CYFIP1: variants seen among roughly 807,000 people sequenced by gnomAD.
CYFIP1 encodes cytoplasmic FMR1-interacting protein 1.
A neutral mutation model predicts 163.5 loss-of-function variants in CYFIP1; 58 were observed. The ratio of observed to expected loss-of-function variants is 0.35; its 90% confidence interval spans 0.29 to 0.44. The LOEUF (loss-of-function observed/expected upper bound fraction) is 0.44. Among genes scored for constraint, CYFIP1 ranks in the 20% least tolerant of loss-of-function variants. CYFIP1 has a pLI of 1.00. For missense variants in CYFIP1, 1,338 were observed against 1,653.8 expected (o/e 0.81, Z 3.31); for synonymous variants, 663 against 660.7 (o/e 1.00, Z -0.05).
chr15:22,920,707 AAG>A (rs1158214001), intron 13 of CYFIP1, among the ~76,000 whole-genome samples: 15 of 152,224 alleles, frequency 9.9e-5, no homozygotes, highest in Non-Finnish European at 1.6e-4. Flanking sequence ...AAAAGTCTGG[AAG>A]AAAACGCACC....
intron 11 of CYFIP1, among the ~76,000 whole-genome samples, chr15:22,930,923 T>C (rs1338393198): frequency 1.3e-5 from 2 of 152,208 alleles, no homozygotes; most frequent in African/African-American, 2.4e-5. Context: ...TGCACAGTAC[T>C]GTCCTAGGCC....
intron 1 of CYFIP1, chr15:22,951,602 G>A (rs2062251898): frequency 7.9e-7 from 1 of 1,261,574 alleles, no homozygotes; most frequent in Admixed American, 2.3e-5. Context: ...AGTGCCAGGA[G>A]AGGCCTGGGG....
chr15:22,918,591 T>C (rs2061074385), intron 14 of CYFIP1, 101 bp downstream of exon 14: 1 of 1,106,158 alleles, frequency 9.0e-7, no homozygotes, highest in African/African-American at 1.6e-5. Flanking sequence ...AAGATAAATA[T>C]ATTGAAATCA....
chr15:22,931,685 T>TAAAAAAAAAAAAAAAA (rs2061538850), intron 11 of CYFIP1, among the ~76,000 whole-genome samples: 1 of 30,704 alleles, frequency 3.3e-5, no homozygotes, highest in African/African-American at 2.3e-4. Context: ...AATGTTTTTC[T>TAAAAAAAAAAAAAAAA]GAAAAAAAAA....
chr15:22,943,275 G>C lies in CYFIP1; in HGVS notation c.467C>G (p.Ala156Gly). Reference sequence around the variant, plus strand: ...GAATTTGCCCAGTGTGATCAGGTAGGCTTCTGACACGAAGTCCTTCCTCCT... The same window carrying C: ...GAATTTGCCCAGTGTGATCAGGTAGCCTTCTGACACGAAGTCCTTCCTCCT... ...AERRKDFVSE[A>G]YLITLGKFIN... is the part of the protein sequence containing the mutation. Residue 156 changes from alanine to glycine, a missense_variant, in exon 6 of 31, where the codon GCC (alanine) becomes GGC (glycine). Around this residue, in one of 4 missense-constraint regions of CYFIP1, gnomAD observed 186 missense variants for 288.3 expected, o/e 0.65. Transcript: ENST00000617928. 6.2e-7 allele frequency: 1 copy of C among 1,614,186 alleles called. No homozygotes were observed. The highest frequency in any genetic ancestry group is 8.5e-7 in the Non-Finnish European group (1 of 1,180,018).
chr15:22,882,616 G>A (rs1334535892), intron 24 of CYFIP1, among the ~76,000 whole-genome samples: 1 of 152,132 alleles, frequency 6.6e-6, no homozygotes, highest in African/African-American at 2.4e-5. Flanking sequence ...GACAGCCTGA[G>A]CAACATAGCA....
At chr15:22,870,673 C>G (rs1218245636) in intron 30 of CYFIP1, among the ~76,000 whole-genome samples, 1 of 152,106 alleles carries the variant, frequency 6.6e-6, no homozygotes, top group East Asian at 1.9e-4. Flanking sequence ...TTTAGAATCC[C>G]TCTGTTGGCT....
intron 14 of CYFIP1, 114 bp from the exon 15 acceptor site, chr15:22,918,049 C>CA: frequency 1.6e-6 from 2 of 1,267,832 alleles, no homozygotes; most frequent in East Asian, 4.9e-5. Context: ...CATGAAAATA[C>CA]AAATTACTCT....
At chr15:22,928,843 T>C (rs1016115771) in intron 11 of CYFIP1, among the ~76,000 whole-genome samples, 3 of 151,880 alleles carry the variant, frequency 2.0e-5, no homozygotes, top group African/African-American at 4.8e-5. Flanking sequence ...AATGAAACAA[T>C]GGCGGGAACC....
At chr15:22,921,055 C>T (rs960755297) in intron 13 of CYFIP1, among the ~76,000 whole-genome samples, 1 of 151,972 alleles carries the variant, frequency 6.6e-6, no homozygotes, top group Non-Finnish European at 1.5e-5. Context: ...GCAAAATAAA[C>T]CCCCCCAAAA....
chr15:22,890,385 G>A, intron 23 of CYFIP1, among the ~76,000 whole-genome samples: 1 of 152,210 alleles, frequency 6.6e-6, no homozygotes, highest in Admixed American at 6.5e-5. Flanking sequence ...GGAGCAGAAT[G>A]GAGGTGAATT....
rs919893437 is a variant in CYFIP1 at position 22,937,596 on chromosome 15, C to CTTTTTTTTTTTTTT, written c.796-389_796-388insAAAAAAAAAAAAAA. 4.9e-5 allele frequency among the ~76,000 whole-genome samples: 7 copies of CTTTTTTTTTTTTTT among 143,744 alleles called. 1 individual carries two copies. Among genetic ancestry groups the CTTTTTTTTTTTTTT allele is most frequent in the Non-Finnish European group, 3.1e-5 (2 of 65,354 alleles). 94.3% of individuals were successfully genotyped at this position (143,744 alleles called of 152,430 possible). On this transcript the variant is annotated intron_variant, in intron 8 of 30. Coordinates refer to ENST00000617928, the MANE Select transcript of CYFIP1 (RefSeq NM_014608.6). ...TTTCGGTGTATGCAAACTAAAAATT[C>CTTTTTTTTTTTTTT]TTTTTTTGTTTTTTTTTTTTGAGAT...
chr15:22,976,070 A>C (rs1005381111), intron 1 of CYFIP1, among the ~76,000 whole-genome samples: 1 of 152,182 alleles, frequency 6.6e-6, no homozygotes, highest in African/African-American at 2.4e-5. Flanking sequence ...TCTCATCTTC[A>C]GCATACAGAT....
Position 22,909,308 on chromosome 15 carries a change from G to A in CYFIP1, c.2274C>T (p.Leu758=), listed in dbSNP as rs145855197. ...TLLKQRHVQL[L]GRSIDLNRLI... The stretch of plus-strand genomic sequence containing the variant: ...GACGATTGAGGTCTATTGATCTGCC[G>A]AGGAGCTGGCGTACACAGGGAAGGA... The change falls in exon 21 of 31, where the codon CTC becomes CTT. Residue 758 remains leucine (L), a synonymous_variant. Transcript: ENST00000617928. The A allele has an allele frequency of 2.4e-4, 384 of 1,614,064 alleles. 2 individuals are homozygous for A. In the African/African-American group the frequency reaches 4.3e-3, roughly 18 times the overall value.
chr15:22,933,706 C>G lies in CYFIP1; in HGVS notation c.992+96G>C. The G allele has an allele frequency of 3.6e-6, 3 of 830,360 alleles. No individual in the cohort carries two copies. In the South Asian group the frequency reaches 4.8e-5, roughly 13 times the overall value. The allele number at this position is 830,360 out of a possible 1,614,324, so 51.4% of individuals were successfully genotyped here. ...TTTAATTCCAGGCTGAGAATGTTAACAGTGTTATCTCTAGACAAATAAGCA... is the reference window on the plus strand; with the variant it reads ...TTTAATTCCAGGCTGAGAATGTTAAGAGTGTTATCTCTAGACAAATAAGCA... On this transcript the variant is annotated intron_variant, in intron 10 of 30. Coordinates refer to ENST00000617928, the MANE Select transcript of CYFIP1 (RefSeq NM_014608.6).
chr15:22,880,820 C>T (rs1295316049), intron 25 of CYFIP1, among the ~76,000 whole-genome samples: 2 of 152,170 alleles, frequency 1.3e-5, no homozygotes, highest in Admixed American at 1.3e-4. Flanking sequence ...AGCACCGCTG[C>T]AGGGACTCAG....
At chr15:22,876,832 A>AC (rs1645719735) in intron 26 of CYFIP1, among the ~76,000 whole-genome samples, 1 of 14,886 alleles carries the variant, frequency 6.7e-5, no homozygotes, top group African/African-American at 1.1e-4. Context: ...ACTCCAGTCT[A>AC]AAAAAAAAAA....
chr15:22,948,444 C>A (rs969223119), intron 1 of CYFIP1, among the ~76,000 whole-genome samples: 5 of 152,122 alleles, frequency 3.3e-5, no homozygotes, highest in African/African-American at 1.2e-4. Flanking sequence ...GAACCACAGC[C>A]CAAGTCTCCT....
At chr15:22,977,696 T>C (rs1311900362) in intron 1 of CYFIP1, among the ~76,000 whole-genome samples, 2 of 151,754 alleles carry the variant, frequency 1.3e-5, no homozygotes, top group East Asian at 3.9e-4. Context: ...CTGGGTGTGG[T>C]GGCAGGCGCC....
Sources: allele counts gnomAD v4.1 joint callset (sites outside exome capture counted in the v4.1 genomes callset), GRCh38; gene constraint gnomAD v4.1.1; regional missense constraint gnomAD v4.1.1; transcripts MANE v1.5; gene names NCBI Gene and HGNC (gene_info 2026-07-23, HGNC 2026-07-21).